Variants in ABCA1 observed in about 807,000 individuals in gnomAD.
ABCA1 encodes ATP binding cassette subfamily A member 1, also known as phospholipid-transporting ATPase ABCA1.
In ABCA1, 133 loss-of-function variants were observed where a neutral mutation model predicts 262.5. The ratio of observed to expected loss-of-function variants is 0.51; its 90% CI spans 0.44 to 0.59. The LOEUF (loss-of-function observed/expected upper bound fraction) is 0.59. Among genes scored for constraint, ABCA1 ranks in the 20% least tolerant of loss-of-function variants. The pLI is 0.00. For missense variants in ABCA1, 2,452 were observed against 2,777.5 expected (o/e 0.88, Z 2.63); for synonymous variants, 1,022 against 1,043.5 (o/e 0.98, Z 0.40).
intron 1 of ABCA1, among the ~76,000 whole-genome samples, chr9:104,914,322 C>CA (rs561835832): frequency 9.2e-4 from 139 of 151,500 alleles, no homozygotes; most frequent in African/African-American, 2.9e-3. Context: ...ACTAAAAATA[C>CA]AAAAAAGTAG....
chr9:104,812,993 G>A (rs1475688161), intron 27 of ABCA1, among the ~76,000 whole-genome samples: 7 of 152,184 alleles, frequency 4.6e-5, no homozygotes, highest in East Asian at 3.8e-4. Context: ...GTGTTCATGC[G>A]TAACCAGGTG....
At chr9:104,922,393 C>G (rs1265316263) in intron 1 of ABCA1, among the ~76,000 whole-genome samples, 1 of 152,166 alleles carries the variant, frequency 6.6e-6, no homozygotes, top group East Asian at 1.9e-4. Flanking sequence ...CTGACAAAGT[C>G]TTTACCATGA....
rs1164353101 is a variant in ABCA1, at chr9:104,806,279, C to G, written c.4426G>C (p.Val1476Leu). 5.6e-6 allele frequency: 9 copies of G among 1,613,866 alleles called. No homozygotes were observed. Among genetic ancestry groups the G allele is most frequent in the Non-Finnish European group, 7.6e-6 (9 of 1,180,040 alleles). The stretch of plus-strand genomic sequence containing the variant: ...AGCCCCCCTGCCCCTGGGGGACACA[C>G]AGGCAGCATCTTCTTGATTTTGTCG... ...SSDKIKKMLPVCPPGAGGLPP... is the reference protein window; with the variant it reads ...SSDKIKKMLPLCPPGAGGLPP... The change falls in exon 31 of 50, where the codon GTG (valine) becomes CTG (leucine). Residue 1476 changes from valine to leucine, a missense_variant. By Grantham distance (32) the Val-to-Leu change is conservative. Transcript: ENST00000374736.
chr9:104,791,852 C>G (rs1052186334), intron 43 of ABCA1, 84 bp downstream of exon 43: 16 of 1,394,398 alleles, frequency 1.1e-5, no homozygotes, highest in Non-Finnish European at 1.5e-5. Context: ...TCCACTTTTA[C>G]CTCTTAACGA....
chr9:104,796,441 A>T lies in ABCA1; in HGVS notation c.5122-17T>A. The T allele has an allele frequency of 6.3e-7, 1 of 1,597,034 alleles. No individual in the cohort carries two copies. The highest frequency in any genetic ancestry group is 8.6e-7 in the Non-Finnish European group (1 of 1,165,590). On this transcript the variant is annotated splice_polypyrimidine_tract_variant and intron_variant, in intron 37 of 49. Coordinates refer to ENST00000374736, the MANE Select transcript of ABCA1 (RefSeq NM_005502.4). ...GTAATTGCACTAAAAGTGAAAACAA[A>T]GACATCCAGTTCACCCCTAAATCAA...
chr9:104,900,378 A>C (rs77780610), intron 2 of ABCA1, among the ~76,000 whole-genome samples: 2,741 of 152,288 alleles, frequency 0.018, 38 homozygotes, highest in Middle Eastern at 0.024. Context: ...GGCCAAGCGT[A>C]TACACTCCAG....
Position 104,862,157 on chromosome 9 carries a change from G to A in ABCA1, c.422-357C>T, listed in dbSNP as rs138333716. Among the ~76,000 whole-genome samples, 726 of 151,624 alleles carry A rather than the reference G, an allele frequency of 4.8e-3. 2 individuals are homozygous for A. The highest frequency in any genetic ancestry group is 0.011 in the South Asian group (55 of 4,784). ...CTCACCCTGTCACCTAGGTTGGAGTGCAATGGTGGAATCTCAGCTCACTGC... is the reference window on the plus strand; with the variant it reads ...CTCACCCTGTCACCTAGGTTGGAGTACAATGGTGGAATCTCAGCTCACTGC... On this transcript the variant is annotated intron_variant, in intron 5 of 49. Transcript: ENST00000374736.
chr9:104,803,479 T>C (rs1403252431), intron 32 of ABCA1, among the ~76,000 whole-genome samples, 163 bp from the exon 33 acceptor site: 2 of 152,204 alleles, frequency 1.3e-5, no homozygotes, highest in African/African-American at 2.4e-5. Flanking sequence ...GAAGCCTGTG[T>C]TCAGGCCTCT....
intron 2 of ABCA1, among the ~76,000 whole-genome samples, chr9:104,896,709 A>ATTTTTTTTTTT (rs1564270342): frequency 1.3e-5 from 1 of 78,274 alleles, no homozygotes; most frequent in African/African-American, 5.4e-5. Flanking sequence ...CTCCCTACAC[A>ATTTTTTTTTTT]TCTTTTTTTT....
At chr9:104,916,943 A>C (rs1236594059) in intron 1 of ABCA1, among the ~76,000 whole-genome samples, 1 of 152,250 alleles carries the variant, frequency 6.6e-6, no homozygotes, top group Non-Finnish European at 1.5e-5. Flanking sequence ...TGGAATATAC[A>C]TCCCAAAGAG....
In ABCA1 at chr9:104,907,572, T is replaced by C. The variant is rs182977456; in HGVS notation, c.-92-3801A>G. 2.0e-5 allele frequency among the ~76,000 whole-genome samples: 3 copies of C among 152,336 alleles called. No homozygotes were observed. In the East Asian group the frequency reaches 5.8e-4, roughly 29 times the overall value. On this transcript the variant is annotated intron_variant, in intron 1 of 49. Coordinates refer to ENST00000374736, the MANE Select transcript of ABCA1 (RefSeq NM_005502.4). Reference sequence around the variant, plus strand: ...GCACTCCTGGACCTGTGGTAACTCATTTCTCAAGCCTGATTAAATGATTTG... The same window carrying C: ...GCACTCCTGGACCTGTGGTAACTCACTTCTCAAGCCTGATTAAATGATTTG...
intron 3 of ABCA1, among the ~76,000 whole-genome samples, chr9:104,887,167 A>C (rs1259646982): frequency 6.6e-6 from 1 of 152,126 alleles, no homozygotes; most frequent in Non-Finnish European, 1.5e-5. Context: ...AGTCTCAGCT[A>C]TTTGGGAGGC....
In ABCA1 at chr9:104,828,998, T is replaced by C. The variant is rs2118997350; in HGVS notation, c.2033A>G (p.Asn678Ser). Residue 678 changes from asparagine (N) to serine (S), a missense_variant, in exon 15 of 50, where the codon AAC becomes AGC. Physicochemically the swap from Asn to Ser is conservative, Grantham distance 46. Coordinates refer to ENST00000374736, the MANE Select transcript of ABCA1 (RefSeq NM_005502.4). ...KETMRIMGLD[N>S]SILWFSWFIS... ...GAACCAGCTAAACCAGAGGATGCTG[T>C]TGTCCAGGCCCATGATCCGCATGGT... is the stretch of plus-strand genomic sequence containing the variant. 5 of 1,614,172 alleles carry C rather than the reference T, an allele frequency of 3.1e-6. No individual in the cohort carries two copies. The highest frequency in any genetic ancestry group is 4.5e-5 in the East Asian group (2 of 44,884).
At chr9:104,916,992 A>T (rs139823658) in intron 1 of ABCA1, among the ~76,000 whole-genome samples, 169 of 152,376 alleles carry the variant, frequency 1.1e-3, no homozygotes, top group African/African-American at 3.8e-3. Flanking sequence ...CATCAAAAAT[A>T]TGTTGCTATT....
chr9:104,794,471 A>G lies in ABCA1; in HGVS notation c.5422T>C (p.Leu1808=). 4 of 1,612,942 alleles carry G rather than the reference A, an allele frequency of 2.5e-6. No homozygotes were observed. ...CCCAGGCAAAAATGTGGGAAGATCA[A>G]GAACACGGACTTCAGGATATCATTG... ...NINDILKSVF[L]IFPHFCLGRG... The change falls in exon 40 of 50, where the codon TTG becomes CTG. Residue 1808 remains leucine, a synonymous_variant. Coordinates refer to ENST00000374736, the MANE Select transcript of ABCA1 (RefSeq NM_005502.4).
At chr9:104,806,144 C>T (rs767233913) in intron 31 of ABCA1, 97 bp downstream of exon 31, 19 of 1,286,428 alleles carry the variant, frequency 1.5e-5, no homozygotes, top group Non-Finnish European at 2.0e-5. Context: ...GAAACAGACC[C>T]TCCCAACATG....
chr9:104,820,483 C>T (rs555217096), intron 20 of ABCA1, among the ~76,000 whole-genome samples: 32 of 152,250 alleles, frequency 2.1e-4, no homozygotes, highest in African/African-American at 7.0e-4. Flanking sequence ...GAGGACCCTG[C>T]ACATGAGCCC....
Position 104,845,537 on chromosome 9 carries a change from G to C in ABCA1, c.753C>G (p.Ser251Arg). The C allele has an allele frequency of 3.7e-6, 6 of 1,613,906 alleles. No individual in the cohort carries two copies. The highest frequency in any genetic ancestry group is 1.6e-4 in the Middle Eastern group (1 of 6,062). The stretch of plus-strand genomic sequence containing the variant: ...TTTTTGTGGCTTCAGCCAGCTCCTT[G>C]CTCGGGAAGGGAGATGTAGAGTTTA... ...RTLNSTSPFP[S>R]KELAEATKTL... The change falls in exon 8 of 50, where the codon AGC becomes AGG. Residue 251 changes from serine (S) to arginine (R), a missense_variant. Coordinates refer to ENST00000374736, the MANE Select transcript of ABCA1 (RefSeq NM_005502.4).
Position 104,806,386 on chromosome 9 carries a change from G to A in ABCA1, c.4319C>T (p.Pro1440Leu), listed in dbSNP as rs535924525. Reference sequence around the variant, plus strand: ...GAGGTCCATGATGGTCTGGGGAACTGGGGCAGTGGTCCACTCTTCCTCCCC... The same window carrying A: ...GAGGTCCATGATGGTCTGGGGAACTAGGGCAGTGGTCCACTCTTCCTCCCC... ...QAGEEEWTTA[P>L]VPQTIMDLFQ... Residue 1440 changes from proline (P) to leucine (L), a missense_variant, in exon 31 of 50, where the codon CCA becomes CTA. Physicochemically the swap from Pro to Leu is moderately conservative, Grantham distance 98 (BLOSUM62 -3). This residue lies in a region of ABCA1 where 665 missense variants were observed against 727.3 expected (regional missense o/e 0.91). Coordinates refer to ENST00000374736, the MANE Select transcript of ABCA1 (RefSeq NM_005502.4). 4 of 1,614,158 alleles carry A rather than the reference G, an allele frequency of 2.5e-6. No individual in the cohort carries two copies. The African/African-American group carries it at 4.0e-5, about 16-fold the overall frequency.
Sources: allele counts gnomAD v4.1 joint callset (sites outside exome capture counted in the v4.1 genomes callset), GRCh38; gene constraint gnomAD v4.1.1; regional missense constraint gnomAD v4.1.1; transcripts MANE v1.5; gene names NCBI Gene and HGNC (gene_info 2026-07-23, HGNC 2026-07-21).